HTT: variants seen among roughly 807,000 people sequenced by gnomAD.
HTT encodes huntingtin.
HTT carries 104 observed loss-of-function variants against 362.3 expected under a neutral mutation model. The ratio of observed to expected loss-of-function variants is 0.29; its 90% CI spans 0.24 to 0.34. The LOEUF is 0.34. Among genes scored for constraint, HTT ranks in the 10% least tolerant of loss-of-function variants. The pLI is 1.00. For missense variants in HTT, 3,301 were observed against 3,928.6 expected (o/e 0.84, Z 4.27); for synonymous variants, 1,577 against 1,548.7 (o/e 1.02, Z -0.43).
chr4:3,232,779 G>A lies in HTT; in HGVS notation c.8266-384G>A, dbSNP rs556237344. 3.8e-3 allele frequency among the ~76,000 whole-genome samples: 585 copies of A among 152,362 alleles called. 7 individuals are homozygous for A. The highest frequency in any genetic ancestry group is 0.013 in the African/African-American group (539 of 41,592). ...TCCCCGCACAGTGAGCCGTGACAGC[G>A]CGTGTGCAGTGTCGTCGCCAGGAAA... On this transcript the variant is annotated intron_variant, in intron 60 of 66. Coordinates refer to ENST00000355072, the MANE Select transcript of HTT (RefSeq NM_001388492.1).
At chr4:3,140,212 G>T (rs2110197817) in intron 21 of HTT, among the ~76,000 whole-genome samples, 1 of 148,958 alleles carries the variant, frequency 6.7e-6, no homozygotes, top group South Asian at 2.1e-4. Flanking sequence ...AGTGAGCCAA[G>T]ATTGCACCAT....
chr4:3,174,098 T>A (rs976631150), intron 31 of HTT, among the ~76,000 whole-genome samples: 17 of 152,220 alleles, frequency 1.1e-4, no homozygotes, highest in African/African-American at 3.9e-4. Flanking sequence ...CCCTTGTTTT[T>A]CCTTTTATAA....
At chr4:3,145,700 G>C (rs1275507070) in intron 24 of HTT, among the ~76,000 whole-genome samples, 3 of 152,214 alleles carry the variant, frequency 2.0e-5, no homozygotes, top group African/African-American at 7.2e-5. Context: ...ATAATTTCAA[G>C]TCTTCTCCAG....
rs561354798 is a variant in HTT at position 3,218,320 on chromosome 4, G to A, written c.7242+368G>A. ...TGTTTTTCTACACAGTTTTGCAGTT[G>A]TCTTCAGAATTGGTTTAAAGTAGGT... On this transcript the variant is annotated intron_variant, in intron 52 of 66. Transcript: ENST00000355072. This position sits in a 1 kb window ranked among gnomAD's most constrained non-coding sequence, Gnocchi z 4.4. 6.6e-6 allele frequency among the ~76,000 whole-genome samples: 1 copy of A among 152,274 alleles called. No individual in the cohort carries two copies. The highest frequency in any genetic ancestry group is 1.9e-4 in the East Asian group (1 of 5,186).
chr4:3,229,518 A>G (rs930975800), intron 59 of HTT, among the ~76,000 whole-genome samples: 3 of 144,864 alleles, frequency 2.1e-5, no homozygotes, highest in Non-Finnish European at 4.5e-5. Context: ...CACCCCACAC[A>G]CATGTACGCA....
At chr4:3,160,242 A>G (rs1198280687) in intron 28 of HTT, 40 bp from the exon 29 acceptor site, 8 of 1,275,414 alleles carry the variant, frequency 6.3e-6, no homozygotes, top group Non-Finnish European at 7.8e-6. Context: ...AGATCGTGAC[A>G]GGGCCAGTAA....
intron 60 of HTT, among the ~76,000 whole-genome samples, chr4:3,232,278 C>T (rs941143290): frequency 6.6e-6 from 1 of 152,168 alleles, no homozygotes; most frequent in African/African-American, 2.4e-5. Flanking sequence ...CCGGCCATTT[C>T]CCCTGCGGAG....
intron 1 of HTT, among the ~76,000 whole-genome samples, chr4:3,085,471 A>G (rs1372423982): frequency 1.3e-5 from 2 of 152,140 alleles, no homozygotes; most frequent in Admixed American, 6.5e-5. Flanking sequence ...AAGTGACTAC[A>G]TTTACCAAAA....
chr4:3,089,499 C>T (rs538330098), intron 2 of HTT, among the ~76,000 whole-genome samples: 17 of 152,238 alleles, frequency 1.1e-4, no homozygotes, highest in East Asian at 7.7e-4. Flanking sequence ...GTGATCCGCC[C>T]GCCTCGGCCT....
Position 3,185,018 on chromosome 4 carries a change from G to A in HTT, c.4867-1579G>A, listed in dbSNP as rs183456969. On this transcript the variant is annotated intron_variant, in intron 37 of 66. Coordinates refer to ENST00000355072, the MANE Select transcript of HTT (RefSeq NM_001388492.1). ...AACTTGGCCCAGGTTTGGCAGCACCGAGGGCACTGATGAGTGCTTTTGGAG... is the reference window on the plus strand; with the variant it reads ...AACTTGGCCCAGGTTTGGCAGCACCAAGGGCACTGATGAGTGCTTTTGGAG... Among the ~76,000 whole-genome samples the A allele has an allele frequency of 3.0e-4, 46 of 152,274 alleles. 1 individual carries two copies. In the South Asian group the frequency reaches 7.0e-3, roughly 23 times the overall value.
At chr4:3,219,614 G>A (rs1470447475) in intron 52 of HTT, among the ~76,000 whole-genome samples, 2 of 152,138 alleles carry the variant, frequency 1.3e-5, no homozygotes, top group Non-Finnish European at 2.9e-5. Flanking sequence ...GTTCCGTTGG[G>A]TCCTTTGTCA....
chr4:3,178,487 A>AT, intron 35 of HTT, 41 bp downstream of exon 35: 1 of 1,599,626 alleles, frequency 6.3e-7, no homozygotes, highest in African/African-American at 1.3e-5. Flanking sequence ...CGGTGTCGTG[A>AT]TGTGCTTGGC....
At chr4:3,162,543 C>A (rs1717495240) in intron 29 of HTT, among the ~76,000 whole-genome samples, 1 of 152,192 alleles carries the variant, frequency 6.6e-6, no homozygotes, top group Non-Finnish European at 1.5e-5. Context: ...GATATTGATT[C>A]GTCCTATCCA....
rs113639980 is a variant in HTT, at chr4:3,178,792, T to A, written c.4612+346T>A. 5.6e-4 allele frequency among the ~76,000 whole-genome samples: 86 copies of A among 152,340 alleles called. 2 individuals carry two copies. Among genetic ancestry groups the A allele is most frequent in the African/African-American group, 2.0e-3 (83 of 41,586 alleles). Reference sequence around the variant, plus strand: ...AAAAGGCCAAGAAGCGATGCAACACTAAAAATTCTTAAATCGAACTTGCCG... The same window carrying A: ...AAAAGGCCAAGAAGCGATGCAACACAAAAAATTCTTAAATCGAACTTGCCG... On this transcript the variant is annotated intron_variant, in intron 35 of 66. Transcript: ENST00000355072.
intron 61 of HTT, among the ~76,000 whole-genome samples, chr4:3,234,301 G>A (rs907290020): frequency 4.6e-5 from 7 of 152,270 alleles, no homozygotes; most frequent in African/African-American, 1.7e-4. Flanking sequence ...AGGCCAGAGT[G>A]TCACAAGCCC....
intron 6 of HTT, among the ~76,000 whole-genome samples, chr4:3,113,772 G>A (rs1714880181): frequency 6.6e-6 from 1 of 151,604 alleles, no homozygotes; most frequent in Non-Finnish European, 1.5e-5. Context: ...CTGGGGGGTG[G>A]GGTAGTCCTG....
Position 3,240,192 on chromosome 4 carries a change from A to G in HTT, c.*133A>G, listed in dbSNP as rs1051918110. ...CGCACATGCCGCGGGCGGCCAGGCA[A>G]CGTGCGTGTCTCTGCCATGTGGCAG... is the stretch of plus-strand genomic sequence containing the variant. On this transcript the variant is annotated 3_prime_UTR_variant, in exon 67 of 67. Transcript: ENST00000355072. The G allele has an allele frequency of 1.1e-5, 8 of 696,676 alleles. No homozygotes were observed. In the Admixed American group the frequency reaches 1.2e-4, roughly 11 times the overall value. The allele number at this position is 696,676 out of a possible 1,614,324, so 43.2% of individuals were successfully genotyped here.
chr4:3,105,065 T>C (rs1409285184), intron 4 of HTT, among the ~76,000 whole-genome samples: 1 of 152,216 alleles, frequency 6.6e-6, no homozygotes. Flanking sequence ...TTCATCGTTA[T>C]TCAGTAATTC....
chr4:3,196,100 G>A (rs1719245975), intron 40 of HTT, among the ~76,000 whole-genome samples: 1 of 152,200 alleles, frequency 6.6e-6, no homozygotes, highest in South Asian at 2.1e-4. Context: ...GTGTCACCAT[G>A]GGATTAGTGG....
Sources: gnomAD v4.1 joint callset for allele counts (sites outside exome capture counted in the v4.1 genomes callset) on GRCh38, gnomAD v4.1.1 for gene constraint, Gnocchi (gnomAD v3.1) non-coding constraint, MANE v1.5 for transcripts, NCBI Gene and HGNC (gene_info 2026-07-23, HGNC 2026-07-21) for gene names.